CLXN: variants seen among roughly 807,000 people sequenced by gnomAD.
CLXN encodes the protein calaxin.
At chr8:48,726,112 CTCCATCCATCCA>C in the CLXN span, among the ~76,000 whole-genome samples, 43 of 111,600 alleles carry the variant, frequency 3.9e-4, no homozygotes, top group East Asian at 8.7e-4. Context: ...TACCCACCCA[CTCCATCCATCCA>C]TCCATCCATC....
At chr8:48,730,741 A>G in the CLXN span, 1 of 622,380 alleles carries the variant, frequency 1.6e-6, no homozygotes, top group African/African-American at 1.9e-5. Context: ...TTAAGAGAAC[A>G]CTTCAGCTTG....
chr8:48,734,703 G>A, the CLXN span: 3 of 173,330 alleles, frequency 1.7e-5, no homozygotes, highest in African/African-American at 4.7e-5. Flanking sequence ...GTATGTGCGA[G>A]CTATAAAGCA....
the CLXN span, chr8:48,716,361 C>T: frequency 6.6e-6 from 1 of 152,412 alleles, no homozygotes. Flanking sequence ...CCAGCCTGCG[C>T]CTCTCCATCC....
the CLXN span, among the ~76,000 whole-genome samples, chr8:48,734,234 TTTC>T: frequency 6.6e-6 from 1 of 152,208 alleles, no homozygotes; most frequent in South Asian, 2.1e-4. Flanking sequence ...GTTGCTTCTG[TTTC>T]TTCAAGTGGC....
At chr8:48,726,527 AT>A in the CLXN span, among the ~76,000 whole-genome samples, 2 of 138,614 alleles carry the variant, frequency 1.4e-5, no homozygotes, top group African/African-American at 5.6e-5. Context: ...CAATCCATCC[AT>A]CCACCCATCT....
the CLXN span, chr8:48,729,980 T>G: frequency 2.0e-5 from 20 of 983,016 alleles, no homozygotes; most frequent in Non-Finnish European, 2.6e-5. Context: ...CCCACAGGTC[T>G]TAGTGCAGCC....
At chr8:48,724,723 A>AAT in the CLXN span, 3 of 1,591,388 alleles carry the variant, frequency 1.9e-6, no homozygotes, top group Admixed American at 1.7e-5. Flanking sequence ...CACTTGAGAC[A>AAT]ATATAGACAT....
At chr8:48,731,301 TCAG>T in the CLXN span, 3 of 1,524,172 alleles carry the variant, frequency 2.0e-6, no homozygotes, top group Admixed American at 4.3e-5. Flanking sequence ...CCTTTTTTTT[TCAG>T]TTATGGCTGG....
the CLXN span, among the ~76,000 whole-genome samples, chr8:48,717,174 A>G: frequency 6.6e-6 from 1 of 152,226 alleles, no homozygotes; most frequent in South Asian, 2.1e-4. Flanking sequence ...TAAAAAAATA[A>G]AAGAAACACA....
the CLXN span, among the ~76,000 whole-genome samples, chr8:48,717,362 G>T: frequency 6.6e-6 from 1 of 152,066 alleles, no homozygotes; most frequent in African/African-American, 2.4e-5. Context: ...GTAGACCAGG[G>T]AAGAGTGAGA....
the CLXN span, among the ~76,000 whole-genome samples, chr8:48,721,737 T>A: frequency 1.3e-5 from 2 of 152,348 alleles, no homozygotes; most frequent in East Asian, 1.9e-4. Flanking sequence ...TTGGGACAAT[T>A]GGATTTGCAC....
chr8:48,722,005 T>C, the CLXN span, among the ~76,000 whole-genome samples: 1 of 152,122 alleles, frequency 6.6e-6, no homozygotes, highest in Non-Finnish European at 1.5e-5. Flanking sequence ...AGGCAACCAC[T>C]GGAGAAAATA....
the CLXN span, among the ~76,000 whole-genome samples, chr8:48,722,765 T>TACACACAC: frequency 6.7e-6 from 1 of 149,360 alleles, no homozygotes; most frequent in African/African-American, 2.5e-5. Context: ...GTCTCCCCAT[T>TACACACAC]ACACACACAC....
At chr8:48,729,958 C>G in the CLXN span, 1 of 1,313,196 alleles carries the variant, frequency 7.6e-7, no homozygotes, top group Non-Finnish European at 1.0e-6. Context: ...CAAGTTCTAT[C>G]TTGATGCTGT....
chr8:48,728,485 C>G, the CLXN span, among the ~76,000 whole-genome samples: 75,588 of 152,024 alleles, frequency 0.5, 21,814 homozygotes, highest in East Asian at 0.65. Context: ...ACACATATCT[C>G]TATGACTCTG....
the CLXN span, chr8:48,714,970 G>A: frequency 2.0e-5 from 3 of 152,134 alleles, no homozygotes; most frequent in African/African-American, 4.8e-5. Flanking sequence ...GGAATACCAG[G>A]CAGCCATTAC....
chr8:48,727,214 T>TCATC, the CLXN span, among the ~76,000 whole-genome samples: 903 of 111,332 alleles, frequency 8.1e-3, 7 homozygotes, highest in Admixed American at 0.011. Flanking sequence ...ATCTATCCAC[T>TCATC]CATCCATCCA....
At chr8:48,715,547 G>A in the CLXN span, 1 of 152,308 alleles carries the variant, frequency 6.6e-6, no homozygotes, top group African/African-American at 2.4e-5. Flanking sequence ...AAAAAGGAGA[G>A]CAGAAGTCCA....
chr8:48,730,521 G>A, the CLXN span: 2 of 1,527,486 alleles, frequency 1.3e-6, no homozygotes, highest in Non-Finnish European at 9.0e-7. Context: ...CGAACCAATA[G>A]GACAACCTGC....
Sources: gnomAD v4.1 joint callset for allele counts (sites outside exome capture counted in the v4.1 genomes callset) on GRCh38, gnomAD v4.1.1 for gene constraint, MANE v1.5 for transcripts, NCBI Gene and HGNC (gene_info 2026-07-23, HGNC 2026-07-21) for gene names.